The following PIAS2 variants were observed in gnomAD, a reference collection of about 807,000 sequenced individuals.
PIAS2 encodes E3 SUMO-protein ligase PIAS2.
In PIAS2, 19 loss-of-function variants were observed where a neutral mutation model predicts 69.7. The ratio of observed to expected loss-of-function variants is 0.27; its 90% CI spans 0.19 to 0.40. The LOEUF is 0.40. PIAS2 is among the 10% of genes least tolerant of loss of function. The probability of loss-of-function intolerance (pLI) is 1.00; values close to 1 mark genes in which losing one functional copy is unlikely to be tolerated. For missense variants in PIAS2, 624 were observed against 757.0 expected (o/e 0.82, Z 2.06); for synonymous variants, 261 against 263.2 (o/e 0.99, Z 0.08).
At chr18:46,902,586 A>G (rs553529204) in intron 1 of PIAS2, among the ~76,000 whole-genome samples, 1 of 152,142 alleles carries the variant, frequency 6.6e-6, no homozygotes, top group Non-Finnish European at 1.5e-5. Flanking sequence ...AAGAAAACCT[A>G]AACAAATAAA....
At chr18:46,903,646 G>GT (rs2056202612) in intron 1 of PIAS2, 1 of 152,168 alleles carries the variant, frequency 6.6e-6, no homozygotes, top group Admixed American at 6.5e-5. Context: ...CTGGAAAACA[G>GT]TTTAGCAAGT....
chr18:46,816,483 T>C (rs1943673), intron 12 of PIAS2: 2 of 954,534 alleles, frequency 2.1e-6, no homozygotes, highest in South Asian at 4.8e-5. Flanking sequence ...TTTTTTTTTT[T>C]CCTTTTTTTG....
intron 2 of PIAS2, among the ~76,000 whole-genome samples, chr18:46,880,364 G>A (rs962411110): frequency 1.3e-5 from 2 of 152,136 alleles, no homozygotes; most frequent in Non-Finnish European, 2.9e-5. Context: ...GCCTGGGTGA[G>A]AGACAGAGAG....
chr18:46,832,931 A>G (rs1431082862), intron 9 of PIAS2, among the ~76,000 whole-genome samples: 1 of 151,732 alleles, frequency 6.6e-6, no homozygotes, highest in African/African-American at 2.4e-5. Flanking sequence ...CCAAATGTTA[A>G]TGAGAATGAG....
intron 9 of PIAS2, among the ~76,000 whole-genome samples, chr18:46,833,589 T>A (rs918933775): frequency 1.3e-5 from 2 of 152,220 alleles, no homozygotes; most frequent in African/African-American, 2.4e-5. Context: ...CAGCATAATG[T>A]AAATCAAAAC....
chr18:46,874,574 C>T (rs1345663417), intron 2 of PIAS2, among the ~76,000 whole-genome samples: 1 of 152,168 alleles, frequency 6.6e-6, no homozygotes, highest in African/African-American at 2.4e-5. Flanking sequence ...ACTCGACTAC[C>T]ATGGACCAAA....
chr18:46,833,231 T>C (rs2043941742), intron 9 of PIAS2, among the ~76,000 whole-genome samples: 1 of 152,192 alleles, frequency 6.6e-6, no homozygotes, highest in Non-Finnish European at 1.5e-5. Flanking sequence ...GAACTATTGG[T>C]ATATGCAACA....
rs944199654 is a variant in PIAS2, at chr18:46,810,367, T to C, written c.*2066A>G. ...CAAAATAACAAATATACATCATTTC[T>C]TTATAAGTCATACCACACAAACCAA... On this transcript the variant is annotated 3_prime_UTR_variant, in exon 14 of 14. Transcript: ENST00000585916. The C allele has an allele frequency of 6.6e-6, 1 of 152,168 alleles. No individual in the cohort carries two copies. Among genetic ancestry groups the C allele is most frequent in the African/African-American group, 2.4e-5 (1 of 41,436 alleles). The allele number at this position is 152,168 out of a possible 1,614,324, so 9.4% of individuals were successfully genotyped here. A position where few individuals can be genotyped will look rare whatever the true frequency, so the allele number is the denominator to read the frequency against.
chr18:46,858,079 C>T (rs1191685798), intron 3 of PIAS2, among the ~76,000 whole-genome samples: 1 of 152,054 alleles, frequency 6.6e-6, no homozygotes, highest in Admixed American at 6.5e-5. Context: ...TGAAACATGA[C>T]TCAAGAAGTT....
chr18:46,857,462 CAG>C (rs2048008640), intron 3 of PIAS2, among the ~76,000 whole-genome samples: 1 of 152,102 alleles, frequency 6.6e-6, no homozygotes. Flanking sequence ...AACTAGAAAA[CAG>C]GGTTTTTACA....
At chr18:46,917,778 G>A (rs936929619), upstream of PIAS2, 6 of 160,592 alleles carry the variant, frequency 3.7e-5, no homozygotes, top group Middle Eastern at 3.3e-3. Flanking sequence ...TGGCGGGGAG[G>A]AAGAAGAGGC....
chr18:46,851,164 C>T (rs1479755419), intron 5 of PIAS2, among the ~76,000 whole-genome samples: 1 of 152,162 alleles, frequency 6.6e-6, no homozygotes, highest in Non-Finnish European at 1.5e-5. Context: ...CACACAACAT[C>T]AGGGAACATA....
intron 5 of PIAS2, among the ~76,000 whole-genome samples, chr18:46,849,100 T>G (rs191976123): frequency 5.1e-4 from 78 of 152,256 alleles, no homozygotes; most frequent in Non-Finnish European, 7.4e-5. Context: ...TGAACTAAAA[T>G]GTGCACTCTG....
chr18:46,913,330 A>G (rs2057460028), intron 1 of PIAS2, among the ~76,000 whole-genome samples: 1 of 152,188 alleles, frequency 6.6e-6, no homozygotes, highest in African/African-American at 2.4e-5. Context: ...TAGGCTTCTT[A>G]GCATGAAAGA....
chr18:46,900,925 C>T lies in PIAS2; in HGVS notation c.25-9871G>A, dbSNP rs143003490. ...AGAGGCGGAGGTTGCGGTGAGCCGA[C>T]GTCGTGCCATTGTACTCCAGCCTGG... On this transcript the variant is annotated intron_variant, in intron 1 of 13. Coordinates refer to ENST00000585916, the MANE Select transcript of PIAS2 (RefSeq NM_004671.5). 765 of 274,688 alleles carry T rather than the reference C, an allele frequency of 2.8e-3. 2 individuals carry two copies. The highest frequency in any genetic ancestry group is 5.9e-3 in the Admixed American group (110 of 18,512). The allele number at this position is 274,688 out of a possible 1,614,324, so 17.0% of individuals were successfully genotyped here.
chr18:46,890,891 C>T lies in PIAS2; in HGVS notation c.188G>A (p.Arg63His), dbSNP rs148269545. 687 of 1,614,012 alleles carry T rather than the reference C, an allele frequency of 4.3e-4. 2 individuals are homozygous for T. The highest frequency in any genetic ancestry group is 3.7e-4 in the South Asian group (34 of 91,078). ...VQIKIRELYR[R>H]RYPRTLEGLS... The stretch of plus-strand genomic sequence containing the variant: ...TCCTTCAAGAGTTCGTGGATATCGG[C>T]GTCTATACAATTCTCGGATTTTAAT... The change falls in exon 2 of 14, where the codon CGC (arginine) becomes CAC (histidine). Residue 63 changes from arginine to histidine, a missense_variant. By Grantham distance (29) the Arg-to-His change is conservative. Transcript: ENST00000585916.
chr18:46,881,074 C>T (rs1021093118), intron 2 of PIAS2, among the ~76,000 whole-genome samples: 1 of 152,128 alleles, frequency 6.6e-6, no homozygotes, highest in African/African-American at 2.4e-5. Context: ...TCACTACCAC[C>T]ACCCTACTGA....
rs200333402 is a variant in PIAS2, at chr18:46,890,809, T to C, written c.270A>G (p.Ser90=). The change falls in exon 2 of 14, where the codon TCA becomes TCG. Residue 90 remains serine, a synonymous_variant. Coordinates refer to ENST00000585916, the MANE Select transcript of PIAS2 (RefSeq NM_004671.5). Reference sequence around the variant, plus strand: ...CCACGGCCAAGTCAGGTTCTACAGGTGATGAGCCACCATCCAAACTGAAAA... The same window carrying C: ...CCACGGCCAAGTCAGGTTCTACAGGCGATGAGCCACCATCCAAACTGAAAA... ...SSVFSLDGGS[S]PVEPDLAVAG... The C allele has an allele frequency of 4.0e-5, 64 of 1,614,008 alleles. No individual in the cohort carries two copies. Among genetic ancestry groups the C allele is most frequent in the African/African-American group, 6.7e-5 (5 of 74,906 alleles).
At chr18:46,884,547 G>T (rs1288326196) in intron 2 of PIAS2, among the ~76,000 whole-genome samples, 1 of 152,036 alleles carries the variant, frequency 6.6e-6, no homozygotes, top group East Asian at 2.0e-4. Context: ...TCCTGACCTC[G>T]TGATCCGCCC....
Sources: allele counts gnomAD v4.1 joint callset (sites outside exome capture counted in the v4.1 genomes callset), GRCh38; gene constraint gnomAD v4.1.1; transcripts MANE v1.5; gene names NCBI Gene and HGNC (gene_info 2026-07-23, HGNC 2026-07-21).